TRAPPC12: variants seen among roughly 807,000 people sequenced by gnomAD.
TRAPPC12 encodes trafficking protein particle complex subunit 12.
In TRAPPC12, 61 loss-of-function variants were observed where a neutral mutation model predicts 69.2. That is an observed-to-expected ratio of 0.88 (90% CI 0.72 to 1.09). TRAPPC12 has a LOEUF of 1.09. TRAPPC12 is among the 50% of genes least tolerant of loss of function. TRAPPC12 has a pLI of 0.00. For synonymous variants in TRAPPC12, 469 were observed against 438.9 expected (o/e 1.07, Z -0.86); for missense variants, 1,101 against 1,016.4 (o/e 1.08, Z -1.13).
chr2:3,466,129 G>A lies in TRAPPC12; in HGVS notation c.1776+434G>A, dbSNP rs1365875629. On this transcript the variant is annotated intron_variant, in intron 9 of 11. Transcript: ENST00000324266. ...GTGGTCTCAGTAATGCACAAAGCTC[G>A]GCAGGACCCCCTTTGCTAAGAATGT... 3.0e-5 allele frequency: 12 copies of A among 405,896 alleles called. No individual in the cohort carries two copies. The East Asian group carries it at 4.3e-4, about 15-fold the overall frequency. 25.1% of individuals were successfully genotyped at this position (405,896 alleles called of 1,614,324 possible).
At chr2:3,434,525 T>A (rs1304341494) in intron 5 of TRAPPC12, among the ~76,000 whole-genome samples, 3 of 152,256 alleles carry the variant, frequency 2.0e-5, no homozygotes, top group African/African-American at 7.2e-5. Context: ...TTCACTTTGC[T>A]CCAGCTATTG....
At chr2:3,452,049 C>T (rs1558394142) in intron 6 of TRAPPC12, among the ~76,000 whole-genome samples, 3 of 152,190 alleles carry the variant, frequency 2.0e-5, no homozygotes, top group South Asian at 2.1e-4. Flanking sequence ...GAGTCCAGCA[C>T]AGCTTCTGGG....
intron 5 of TRAPPC12, among the ~76,000 whole-genome samples, chr2:3,428,060 C>T (rs541854191): frequency 6.6e-6 from 1 of 152,146 alleles, no homozygotes; most frequent in East Asian, 1.9e-4. Flanking sequence ...ACACTGAGTG[C>T]CCTTTAAGAT....
In TRAPPC12 at chr2:3,460,583, A is replaced by G. The variant is rs1665434669; in HGVS notation, c.1677+247A>G. The G allele has an allele frequency of 1.3e-5, 6 of 454,686 alleles. No individual in the cohort carries two copies. The South Asian group carries it at 2.5e-4, about 19-fold the overall frequency. 28.2% of individuals were successfully genotyped at this position (454,686 alleles called of 1,614,324 possible). On this transcript the variant is annotated intron_variant, in intron 8 of 11. Transcript: ENST00000324266. ...GATTTCATTATTGAAATGTGGGTCT[A>G]AATGATTTAATTAAAAGTATTGTTC...
chr2:3,460,815 TG>T (rs1355583368), intron 8 of TRAPPC12: 2 of 155,506 alleles, frequency 1.3e-5, no homozygotes, highest in Non-Finnish European at 2.8e-5. Context: ...ATCAAGGAGC[TG>T]AACTGAGGCT....
At chr2:3,442,807 C>G (rs1450077334) in intron 5 of TRAPPC12, among the ~76,000 whole-genome samples, 2 of 152,176 alleles carry the variant, frequency 1.3e-5, no homozygotes, top group Admixed American at 6.5e-5. Flanking sequence ...CATTAAGTGG[C>G]TTGCAGAAGT....
At chr2:3,462,664 T>C (rs1665571949) in intron 8 of TRAPPC12, among the ~76,000 whole-genome samples, 1 of 152,278 alleles carries the variant, frequency 6.6e-6, no homozygotes. Context: ...CACAGTGGCA[T>C]GTATTATAAA....
chr2:3,461,617 G>A (rs113364387), intron 8 of TRAPPC12, among the ~76,000 whole-genome samples: 36 of 152,220 alleles, frequency 2.4e-4, no homozygotes, highest in African/African-American at 8.0e-4. Flanking sequence ...CGGTTTTCAA[G>A]TTCTGTGGTT....
intron 6 of TRAPPC12, among the ~76,000 whole-genome samples, chr2:3,453,875 A>G (rs769358838): frequency 7.2e-5 from 11 of 152,210 alleles, no homozygotes; most frequent in African/African-American, 1.4e-4. Context: ...ATGTACTGTT[A>G]CTTTATAAAG....
intron 6 of TRAPPC12, among the ~76,000 whole-genome samples, chr2:3,446,447 G>A (rs1664511955): frequency 6.6e-6 from 1 of 152,242 alleles, no homozygotes; most frequent in Non-Finnish European, 1.5e-5. Flanking sequence ...CTGTGGCACA[G>A]CTGGTGGATG....
At chr2:3,410,960 G>A (rs1662022470) in intron 3 of TRAPPC12, among the ~76,000 whole-genome samples, 1 of 152,180 alleles carries the variant, frequency 6.6e-6, no homozygotes, top group East Asian at 1.9e-4. Flanking sequence ...AACCCAGGAG[G>A]CGGAGGTTGC....
chr2:3,410,240 A>T (rs1244425947), intron 3 of TRAPPC12, among the ~76,000 whole-genome samples: 1 of 152,238 alleles, frequency 6.6e-6, no homozygotes, highest in Non-Finnish European at 1.5e-5. Context: ...TAAATCTTTC[A>T]TATTCAGTCA....
intron 6 of TRAPPC12, among the ~76,000 whole-genome samples, chr2:3,447,763 C>G (rs183438238): frequency 6.6e-6 from 1 of 152,230 alleles, no homozygotes; most frequent in Non-Finnish European, 1.5e-5. Flanking sequence ...TTAAAGTGAA[C>G]GGCTTGGTGT....
Position 3,463,427 on chromosome 2 carries a change from G to A in TRAPPC12, c.1678-2170G>A, listed in dbSNP as rs138604974. On this transcript the variant is annotated intron_variant, in intron 8 of 11. Coordinates refer to ENST00000324266, the MANE Select transcript of TRAPPC12 (RefSeq NM_016030.6). ...GGGCCCCCGAGATCCCTTCTCTGCC[G>A]CGCCTGCCCCCGGCCTGGAATCCAG... is the stretch of plus-strand genomic sequence containing the variant. Among the ~76,000 whole-genome samples, 764 of 151,672 alleles carry A rather than the reference G, an allele frequency of 5.0e-3. 4 individuals carry two copies. The highest frequency in any genetic ancestry group is 0.017 in the African/African-American group (687 of 41,292).
chr2:3,387,992 G>A lies in TRAPPC12; in HGVS notation c.369G>A (p.Ala123=). Residue 123 remains alanine (A), a synonymous_variant, in exon 2 of 12, where the codon GCG becomes GCA. Transcript: ENST00000324266. ...EADGDCAPED[A]APSSGGAPRQ... is the part of the protein sequence containing the mutation. ...ACGGCGACTGTGCCCCCGAGGACGC[G>A]GCACCCAGTAGCGGAGGGGCCCCGA... is the stretch of plus-strand genomic sequence containing the variant. The A allele has an allele frequency of 6.8e-7, 1 of 1,472,674 alleles. No homozygotes were observed. The highest frequency in any genetic ancestry group is 8.9e-7 in the Non-Finnish European group (1 of 1,118,596). The allele number at this position is 1,472,674 out of a possible 1,614,324, so 91.2% of individuals were successfully genotyped here. A position where few individuals can be genotyped will look rare whatever the true frequency, so the allele number is the denominator to read the frequency against.
At chr2:3,433,041 G>GTTTT (rs1663528907) in intron 5 of TRAPPC12, among the ~76,000 whole-genome samples, 2 of 151,818 alleles carry the variant, frequency 1.3e-5, no homozygotes, top group African/African-American at 4.9e-5. Flanking sequence ...TTTTGTGTTT[G>GTTTT]GTTTGTTTTG....
At chr2:3,418,130 G>A (rs1055030126) in intron 3 of TRAPPC12, among the ~76,000 whole-genome samples, 1 of 151,230 alleles carries the variant, frequency 6.6e-6, no homozygotes, top group African/African-American at 2.4e-5. Context: ...GGAGGCTGAG[G>A]TGAGTAGATC....
chr2:3,379,714 G>T lies in TRAPPC12; in HGVS notation c.-167G>T, dbSNP rs991426951. The T allele has an allele frequency of 6.6e-6, 1 of 152,346 alleles. No individual in the cohort carries two copies. Among genetic ancestry groups the T allele is most frequent in the Non-Finnish European group, 1.5e-5 (1 of 68,138 alleles). 9.4% of individuals were successfully genotyped at this position (152,346 alleles called of 1,614,324 possible). ...GCAGGGCCTCGGGTTCCTGCATCGG[G>T]CCTGAGCAGAACTAGGCGCGCCGCG... On this transcript the variant is annotated 5_prime_UTR_variant, in exon 1 of 12. Coordinates refer to ENST00000324266, the MANE Select transcript of TRAPPC12 (RefSeq NM_016030.6).
chr2:3,381,703 T>G (rs1308634204), intron 1 of TRAPPC12, among the ~76,000 whole-genome samples: 1 of 152,216 alleles, frequency 6.6e-6, no homozygotes, highest in Non-Finnish European at 1.5e-5. Flanking sequence ...AAAGATCAAG[T>G]CAACCCAGTC....
Sources: gnomAD v4.1 joint callset for allele counts (sites outside exome capture counted in the v4.1 genomes callset) on GRCh38, gnomAD v4.1.1 for gene constraint, MANE v1.5 for transcripts, NCBI Gene and HGNC (gene_info 2026-07-23, HGNC 2026-07-21) for gene names.